The following TNRC6B variants were observed in gnomAD, a reference collection of about 807,000 sequenced individuals.
The protein encoded by TNRC6B is trinucleotide repeat-containing gene 6B protein.
In TNRC6B, 52 loss-of-function variants were observed where a neutral mutation model predicts 203.6. The observed-to-expected ratio is 0.26, with a 90% CI of 0.20 to 0.32. The LOEUF is 0.32. Ranked by LOEUF, TNRC6B falls within the 10% of genes least tolerant of loss-of-function variation. The pLI, the probability that TNRC6B is intolerant of heterozygous loss-of-function variation, is 1.00. For missense variants in TNRC6B, 1,923 were observed against 2,286.2 expected (o/e 0.84, Z 3.24); for synonymous variants, 838 against 845.7 (o/e 0.99, Z 0.16).
At chr22:40,136,406 C>CT (rs11454583) in intron 3 of TNRC6B, among the ~76,000 whole-genome samples, 31,122 of 107,676 alleles carry the variant, frequency 0.29, 3,778 homozygotes, top group Admixed American at 0.38. Flanking sequence ...TGTGTGTATA[C>CT]TTTTTTTTTT....
chr22:40,221,582 G>C (rs2069708622), intron 1 of TNRC6B, among the ~76,000 whole-genome samples: 1 of 152,128 alleles, frequency 6.6e-6, no homozygotes, highest in Non-Finnish European at 1.5e-5. Context: ...TGGGACCACA[G>C]GTGTGTGCCA....
At chr22:40,312,865 A>G in intron 18 of TNRC6B, 37 bp from the exon 19 acceptor site, 1 of 1,581,788 alleles carries the variant, frequency 6.3e-7, no homozygotes. Flanking sequence ...ACTGACATTT[A>G]TCTTCAGTAT....
intron 1 of TNRC6B, among the ~76,000 whole-genome samples, chr22:40,067,118 A>G (rs1035593786): frequency 2.0e-5 from 3 of 151,994 alleles, no homozygotes; most frequent in Non-Finnish European, 4.4e-5. Context: ...TGCCCAGGCT[A>G]GAATGTGGAA....
intron 16 of TNRC6B, among the ~76,000 whole-genome samples, chr22:40,309,110 A>G (rs1325013802): frequency 6.6e-6 from 1 of 152,240 alleles, no homozygotes; most frequent in Non-Finnish European, 1.5e-5. Context: ...AAGCTTTCTT[A>G]TTCTATGTGA....
chr22:40,110,650 A>T (rs1033978772), intron 1 of TNRC6B, among the ~76,000 whole-genome samples: 6 of 152,180 alleles, frequency 3.9e-5, no homozygotes, highest in Non-Finnish European at 7.3e-5. Flanking sequence ...GGTCATTCCT[A>T]CTTTGGACTG....
intron 1 of TNRC6B, among the ~76,000 whole-genome samples, chr22:40,233,348 T>C (rs569415973): frequency 1.4e-4 from 21 of 148,634 alleles, no homozygotes; most frequent in Admixed American, 8.1e-4. Context: ...TATCAGCCGG[T>C]CGCGGTGGCT....
intron 1 of TNRC6B, among the ~76,000 whole-genome samples, chr22:40,236,747 AG>A (rs1352430238): frequency 2.0e-5 from 3 of 152,180 alleles, no homozygotes; most frequent in Non-Finnish European, 4.4e-5. Flanking sequence ...ATCAGCCTAC[AG>A]GTGGAGATTA....
chr22:40,236,999 T>A (rs1327108554), intron 1 of TNRC6B, among the ~76,000 whole-genome samples: 1 of 152,096 alleles, frequency 6.6e-6, no homozygotes, highest in African/African-American at 2.4e-5. Context: ...ACCCCATCTC[T>A]ACTAAAAATA....
intron 1 of TNRC6B, chr22:40,045,588 G>A (rs549506376): frequency 6.6e-6 from 1 of 152,392 alleles, no homozygotes; most frequent in Non-Finnish European, 1.5e-5. Context: ...TGCGTGACAA[G>A]GTGAATGCGT....
intron 3 of TNRC6B, among the ~76,000 whole-genome samples, chr22:40,152,742 AT>A (rs1454513063): frequency 6.6e-6 from 1 of 151,966 alleles, no homozygotes; most frequent in African/African-American, 2.4e-5. Flanking sequence ...AACTGCTGGG[AT>A]TACAGGTGTG....
At chr22:40,201,945 G>A (rs1342609809) in intron 1 of TNRC6B, among the ~76,000 whole-genome samples, 1 of 152,048 alleles carries the variant, frequency 6.6e-6, no homozygotes, top group Non-Finnish European at 1.5e-5. Context: ...TCTGTTCCCA[G>A]ACATTTCAAT....
chr22:40,320,304 A>G (rs533316127), intron 21 of TNRC6B, among the ~76,000 whole-genome samples: 137 of 152,170 alleles, frequency 9.0e-4, no homozygotes, highest in African/African-American at 3.3e-3. Context: ...ACATGGTGAA[A>G]CCCTGTCTCT....
intron 1 of TNRC6B, among the ~76,000 whole-genome samples, chr22:40,209,182 A>C (rs1320464461): frequency 2.0e-5 from 3 of 152,198 alleles, no homozygotes; most frequent in African/African-American, 7.2e-5. Context: ...TCCTAATGAT[A>C]AGACTTCAAA....
intron 1 of TNRC6B, among the ~76,000 whole-genome samples, chr22:40,243,130 A>G (rs1412998673): frequency 6.6e-6 from 1 of 152,014 alleles, no homozygotes; most frequent in East Asian, 1.9e-4. Flanking sequence ...CGGCCTCCCA[A>G]AGTGCTGGGA....
rs2068563743 is a variant in TNRC6B, at chr22:40,132,964, A to AT, written c.45+7102_45+7103insT. 5.1e-5 allele frequency among the ~76,000 whole-genome samples: 6 copies of AT among 118,694 alleles called. 2 individuals carry two copies. The highest frequency in any genetic ancestry group is 9.4e-5 in the Admixed American group (1 of 10,618). The allele number at this position is 118,694 out of a possible 152,430, so 77.9% of individuals were successfully genotyped here. A position where few individuals can be genotyped will look rare whatever the true frequency, so the allele number is the denominator to read the frequency against. On this transcript the variant is annotated intron_variant, in intron 3 of 23. Coordinates refer to the TNRC6B transcript ENST00000301923. ...GTCTCAAAAAAAAAAAAAAAAAAAA[A>AT]AAAAAATATATATATATATATATAT...
At chr22:40,273,693 C>T (rs2070597566) in intron 7 of TNRC6B, 93 bp downstream of exon 7, 7 of 1,369,102 alleles carry the variant, frequency 5.1e-6, no homozygotes, top group Non-Finnish European at 5.8e-6. Context: ...GAGACAAGTT[C>T]TCCCTCTGTC....
rs1010959073 is a variant in TNRC6B at position 40,325,149 on chromosome 22, A to C, written c.*1908A>C. ...TACCAGCAAATACCTGCCCATTCCAACCCTTGGTGGGAGCAGACCTCTACT... is the reference window on the plus strand; with the variant it reads ...TACCAGCAAATACCTGCCCATTCCACCCCTTGGTGGGAGCAGACCTCTACT... On this transcript the variant is annotated 3_prime_UTR_variant, in exon 23 of 23. Coordinates refer to ENST00000454349, the MANE Select transcript of TNRC6B (RefSeq NM_001162501.2). The C allele has an allele frequency of 1.3e-5, 2 of 152,112 alleles. No individual in the cohort carries two copies. The highest frequency in any genetic ancestry group is 1.3e-4 in the Admixed American group (2 of 15,226). 9.4% of individuals were successfully genotyped at this position (152,112 alleles called of 1,614,324 possible).
At chr22:40,137,104 T>G (rs2068606419) in intron 3 of TNRC6B, among the ~76,000 whole-genome samples, 1 of 152,216 alleles carries the variant, frequency 6.6e-6, no homozygotes, top group South Asian at 2.1e-4. Context: ...AACTTGGTAA[T>G]TTGTTTTGTT....
chr22:40,140,985 C>T (rs2068639077), intron 3 of TNRC6B, among the ~76,000 whole-genome samples: 1 of 152,042 alleles, frequency 6.6e-6, no homozygotes, highest in African/African-American at 2.4e-5. Context: ...TTTTCCTTCT[C>T]ATGGTAAGAT....
Sources: allele counts gnomAD v4.1 joint callset (sites outside exome capture counted in the v4.1 genomes callset), GRCh38; gene constraint gnomAD v4.1.1; transcripts MANE v1.5; gene names NCBI Gene and HGNC (gene_info 2026-07-23, HGNC 2026-07-21).